ZC2HC1A: variants seen among roughly 807,000 people sequenced by gnomAD.
ZC2HC1A encodes the protein zinc finger C2HC-type containing 1A, also known as zinc finger C2HC domain-containing protein 1A.
In ZC2HC1A, 28 loss-of-function variants were observed where a neutral mutation model predicts 40.7. The ratio of observed to expected loss-of-function variants is 0.69; its 90% confidence interval spans 0.51 to 0.94. The LOEUF is 0.94. Ranked by LOEUF, ZC2HC1A falls within the 40% of genes least tolerant of loss-of-function variation. The pLI is 0.00. For synonymous variants in ZC2HC1A, 129 were observed against 129.2 expected (o/e 1.00, Z 0.01); for missense variants, 389 against 386.3 (o/e 1.01, Z -0.06).
At chr8:78,674,287 C>T (rs1563619439) in intron 1 of ZC2HC1A, among the ~76,000 whole-genome samples, 1 of 152,104 alleles carries the variant, frequency 6.6e-6, no homozygotes, top group Non-Finnish European at 1.5e-5. Flanking sequence ...TAAGCAAATA[C>T]ACTTTTAAGC....
At chr8:78,684,681 T>C (rs1230325846) in intron 3 of ZC2HC1A, among the ~76,000 whole-genome samples, 1 of 152,166 alleles carries the variant, frequency 6.6e-6, no homozygotes, top group Non-Finnish European at 1.5e-5. Flanking sequence ...TAGGTTACTA[T>C]GCAAAAATAA....
At chr8:78,676,395 G>T (rs1416779975) in intron 2 of ZC2HC1A, among the ~76,000 whole-genome samples, 1 of 151,908 alleles carries the variant, frequency 6.6e-6, no homozygotes, top group Non-Finnish European at 1.5e-5. Context: ...AATTTATTAT[G>T]CATTCTTAAG....
intron 7 of ZC2HC1A, among the ~76,000 whole-genome samples, chr8:78,709,719 TAAAAA>T (rs762270772): frequency 7.7e-6 from 1 of 130,464 alleles, no homozygotes; most frequent in South Asian, 2.5e-4. Context: ...GCTGATGAAC[TAAAAA>T]AAAAAAAAAA....
intron 1 of ZC2HC1A, among the ~76,000 whole-genome samples, chr8:78,669,702 C>G (rs1563617430): frequency 6.6e-6 from 1 of 152,108 alleles, no homozygotes. Flanking sequence ...CCTGATTATC[C>G]ATACTTCTCC....
At chr8:78,706,610 T>C (rs1247774417) in intron 7 of ZC2HC1A, among the ~76,000 whole-genome samples, 1 of 152,160 alleles carries the variant, frequency 6.6e-6, no homozygotes, top group African/African-American at 2.4e-5. Context: ...GCCTCTCTTT[T>C]CTTTGTTCTC....
intron 6 of ZC2HC1A, among the ~76,000 whole-genome samples, chr8:78,698,038 A>T (rs750031474): frequency 6.6e-6 from 1 of 152,042 alleles, no homozygotes; most frequent in African/African-American, 2.4e-5. Flanking sequence ...TATTGATGTC[A>T]TCTGTTCAGA....
intron 4 of ZC2HC1A, 72 bp from the exon 5 acceptor site, chr8:78,689,150 G>T: frequency 8.4e-7 from 1 of 1,187,956 alleles, no homozygotes; most frequent in Non-Finnish European, 1.1e-6. Flanking sequence ...TGACTGCATA[G>T]AAACTTAAGA....
intron 8 of ZC2HC1A, among the ~76,000 whole-genome samples, chr8:78,715,674 A>T (rs1476452143): frequency 6.6e-6 from 1 of 152,176 alleles, no homozygotes; most frequent in African/African-American, 2.4e-5. Context: ...ATGTACTAGC[A>T]AAATAGCAAA....
At chr8:78,670,498 G>A (rs868345873) in intron 1 of ZC2HC1A, among the ~76,000 whole-genome samples, 13 of 152,234 alleles carry the variant, frequency 8.5e-5, no homozygotes, top group Middle Eastern at 3.4e-3. Flanking sequence ...AAGACTAAGG[G>A]AGTTCTGCTC....
chr8:78,686,262 C>T (rs1029006642), intron 3 of ZC2HC1A, among the ~76,000 whole-genome samples: 4 of 152,102 alleles, frequency 2.6e-5, no homozygotes, highest in Admixed American at 1.3e-4. Flanking sequence ...TTCGCGATGA[C>T]ACTTACATTA....
Position 78,689,149 on chromosome 8 carries a change from A to G in ZC2HC1A, c.353-73A>G, listed in dbSNP as rs528487547. 2.6e-3 allele frequency: 3,062 copies of G among 1,178,858 alleles called. 9 individuals are homozygous for G. The highest frequency in any genetic ancestry group is 3.3e-3 in the Non-Finnish European group (2,945 of 900,494). The allele number at this position is 1,178,858 out of a possible 1,614,324, so 73.0% of individuals were successfully genotyped here. ...ACTTATATTTTTTGAATGACTGCAT[A>G]GAAACTTAAGATTTTTTAATGTCCG... On this transcript the variant is annotated intron_variant, in intron 4 of 8. Coordinates refer to ENST00000263849, the MANE Select transcript of ZC2HC1A (RefSeq NM_016010.3).
chr8:78,717,503 CAAA>C lies in ZC2HC1A; in HGVS notation c.*22_*24del, dbSNP rs5892663. The C allele has an allele frequency of 2.5e-5, 32 of 1,257,506 alleles. No homozygotes were observed. The highest frequency in any genetic ancestry group is 1.2e-4 in the South Asian group (6 of 49,004). 77.9% of individuals were successfully genotyped at this position (1,257,506 alleles called of 1,614,324 possible). On this transcript the variant is annotated 3_prime_UTR_variant, in exon 9 of 9. Transcript: ENST00000263849. ...AAGAATGATTCTATGAATAGAATCT[CAAA>C]AAAAAAAAAAAGCCAAGTTCAGAGT...
intron 4 of ZC2HC1A, among the ~76,000 whole-genome samples, chr8:78,687,175 C>T (rs977232279): frequency 1.3e-5 from 2 of 151,704 alleles, no homozygotes; most frequent in Non-Finnish European, 2.9e-5. Flanking sequence ...ACTGAGATAC[C>T]GAAAAACTTA....
chr8:78,667,647 A>G (rs940579714), intron 1 of ZC2HC1A, among the ~76,000 whole-genome samples: 6 of 152,136 alleles, frequency 3.9e-5, no homozygotes, highest in Admixed American at 1.3e-4. Context: ...CTCAATAAAT[A>G]TTTGTTGTTA....
intron 7 of ZC2HC1A, among the ~76,000 whole-genome samples, chr8:78,704,424 C>G (rs1250857599): frequency 6.6e-6 from 1 of 151,232 alleles, no homozygotes; most frequent in African/African-American, 2.4e-5. Flanking sequence ...AAATATTGGT[C>G]CCCAATATCT....
At chr8:78,704,533 C>A (rs186995801) in intron 7 of ZC2HC1A, among the ~76,000 whole-genome samples, 2 of 151,746 alleles carry the variant, frequency 1.3e-5, no homozygotes, top group East Asian at 3.9e-4. Context: ...TTTAACATTT[C>A]TTCTTTCATT....
At chr8:78,708,906 T>C (rs925919485) in intron 7 of ZC2HC1A, among the ~76,000 whole-genome samples, 7 of 152,118 alleles carry the variant, frequency 4.6e-5, no homozygotes, top group African/African-American at 1.7e-4. Context: ...CCTCAAGTGA[T>C]CCATCCACCT....
chr8:78,717,144 G>A (rs1363226256), intron 8 of ZC2HC1A, among the ~76,000 whole-genome samples, 184 bp from the exon 9 acceptor site: 1 of 151,598 alleles, frequency 6.6e-6, no homozygotes, highest in Admixed American at 6.6e-5. Context: ...TAAATATAAT[G>A]TTAAAAAAAA....
intron 6 of ZC2HC1A, 59 bp from the exon 7 acceptor site, chr8:78,698,355 C>T (rs1453844695): frequency 1.5e-6 from 2 of 1,346,144 alleles, no homozygotes; most frequent in East Asian, 2.4e-5. Context: ...TTGTTAGATG[C>T]TCTGTTTTAT....
Sources: allele counts gnomAD v4.1 joint callset (sites outside exome capture counted in the v4.1 genomes callset), GRCh38; gene constraint gnomAD v4.1.1; transcripts MANE v1.5; gene names NCBI Gene and HGNC (gene_info 2026-07-23, HGNC 2026-07-21).